The following MIER3 variants were observed in gnomAD, a reference collection of about 807,000 sequenced individuals.
MIER3 encodes the protein MIER family member 3, also known as mesoderm induction early response protein 3.
MIER3 carries 9 observed loss-of-function variants against 63.2 expected under a neutral mutation model. The observed-to-expected ratio is 0.14, with a 90% confidence interval of 0.09 to 0.25. The LOEUF is 0.25. Among genes scored for constraint, MIER3 ranks in the 10% least tolerant of loss-of-function variants. The probability of loss-of-function intolerance (pLI) is 1.00; values close to 1 mark genes in which losing one functional copy is unlikely to be tolerated. For missense variants in MIER3, 512 were observed against 666.2 expected, an observed-to-expected ratio of 0.77 and a Z score of 2.55; for synonymous variants, 205 against 224.9, an observed-to-expected ratio of 0.91 and a Z score of 0.79.
rs762522305 is a variant in MIER3, at chr5:56,923,362, T to C, written c.1419A>G (p.Glu473=). ...SELNPMNMCS[E]ESERPAKRLK... ...ATCTTTTTGCTGGTCTCTCTGACTC[T>C]TCACTGCACATGTTCATAGGGTTTA... is the stretch of plus-strand genomic sequence containing the variant. The change falls in exon 13 of 13, where the codon GAA becomes GAG. Residue 473 remains glutamate, a synonymous_variant. Coordinates refer to ENST00000381199, the MANE Select transcript of MIER3 (RefSeq NM_001297599.2). 7.4e-6 allele frequency: 12 copies of C among 1,614,076 alleles called. No individual in the cohort carries two copies. The highest frequency in any genetic ancestry group is 1.7e-5 in the Admixed American group (1 of 59,990).
Position 56,939,021 on chromosome 5 carries a change from T to C in MIER3, c.181-4A>G, listed in dbSNP as rs751161478. ...CTTCTAGAGGCATGGTTCCTTCCTG[T>C]TCAAGCCAGGGCATAAACACGGACT... On this transcript the variant is annotated splice_region_variant and splice_polypyrimidine_tract_variant and intron_variant, in intron 3 of 12. Transcript: ENST00000381199. 4 of 1,613,792 alleles carry C rather than the reference T, an allele frequency of 2.5e-6. No individual in the cohort carries two copies. Among genetic ancestry groups the C allele is most frequent in the Admixed American group, 1.7e-5 (1 of 59,982 alleles).
At chr5:56,950,483 C>A in intron 2 of MIER3, 145 bp downstream of exon 2, 1 of 843,168 alleles carries the variant, frequency 1.2e-6, no homozygotes, top group Non-Finnish European at 1.9e-6. Context: ...CTTCCCCAAA[C>A]TTTACTAAAT....
intron 10 of MIER3, among the ~76,000 whole-genome samples, chr5:56,925,937 C>T (rs1749953593): frequency 6.6e-6 from 1 of 152,010 alleles, no homozygotes; most frequent in Non-Finnish European, 1.5e-5. Context: ...CCCAGAAATA[C>T]ACCCCACGGG....
At chr5:56,930,636 C>T (rs2112099303) in intron 9 of MIER3, 28 bp downstream of exon 9, 2 of 1,585,866 alleles carry the variant, frequency 1.3e-6, no homozygotes, top group East Asian at 2.2e-5. Flanking sequence ...CCTGTCATGT[C>T]CCTCTCTTAA....
chr5:56,947,156 C>A, intron 2 of MIER3, 85 bp from the exon 3 acceptor site: 1 of 1,353,468 alleles, frequency 7.4e-7, no homozygotes, highest in Non-Finnish European at 1.0e-6. Flanking sequence ...TCTGCCAGTC[C>A]CTTTTCATGT....
At chr5:56,932,679 G>C (rs1016270685) in intron 8 of MIER3, among the ~76,000 whole-genome samples, 2 of 152,170 alleles carry the variant, frequency 1.3e-5, no homozygotes, top group African/African-American at 4.8e-5. Context: ...GATCAGGAGA[G>C]TATTCTGAAT....
At position 56,922,778 on chromosome 5, in the gene MIER3, T is replaced by TCGGTG; in HGVS notation, c.*349_*350insCACCG. The stretch of plus-strand genomic sequence containing the variant: ...GTGCTGGTTTTGAGCTGGTGGCCTC[T>TCGGTG]GTCTACAGGTTTTAAAATTGGGAGT... On this transcript the variant is annotated 3_prime_UTR_variant, in exon 13 of 13. Transcript: ENST00000381199. 5 of 238,298 alleles carry TCGGTG rather than the reference T, an allele frequency of 2.1e-5. No homozygotes were observed. The highest frequency in any genetic ancestry group is 7.7e-5 in the South Asian group (1 of 13,062). 14.8% of individuals were successfully genotyped at this position (238,298 alleles called of 1,614,324 possible).
intron 4 of MIER3, chr5:56,938,426 A>T (rs1407937689): frequency 1.3e-5 from 6 of 468,322 alleles, no homozygotes; most frequent in Non-Finnish European, 2.7e-5. Flanking sequence ...GCCTCCCCAC[A>T]ACCAGCCTAC....
At chr5:56,929,018 C>T in intron 9 of MIER3, 157 bp from the exon 10 acceptor site, 1 of 566,736 alleles carries the variant, frequency 1.8e-6, no homozygotes, top group Admixed American at 3.1e-5. Flanking sequence ...CTCTCTCTCT[C>T]TCTCTCTCTG....
chr5:56,947,215 T>A, intron 2 of MIER3, 144 bp from the exon 3 acceptor site: 1 of 782,882 alleles, frequency 1.3e-6, no homozygotes, highest in Non-Finnish European at 1.9e-6. Flanking sequence ...TTATAGGTTA[T>A]AAATTAAGAC....
At chr5:56,946,876 C>T in intron 3 of MIER3, 50 bp downstream of exon 3, 1 of 1,291,814 alleles carries the variant, frequency 7.7e-7, no homozygotes, top group South Asian at 1.8e-5. Context: ...AAAATTACAA[C>T]AGAATTTCAA....
Position 56,937,641 on chromosome 5 carries a change from C to G in MIER3, c.373G>C (p.Asp125His). ...GDDEETQSSADDLTPSVTSHE... is the reference protein window; with the variant it reads ...GDDEETQSSAHDLTPSVTSHE... Reference sequence around the variant, plus strand: ...GAAGTCACAGATGGCGTCAGATCATCCGCAGAAGACTGAGTTTCCTCGTCA... The same window carrying G: ...GAAGTCACAGATGGCGTCAGATCATGCGCAGAAGACTGAGTTTCCTCGTCA... Residue 125 changes from aspartate to histidine, a missense_variant, in exon 5 of 13, where the codon GAT becomes CAT. Around this residue, in one of 5 missense-constraint regions of MIER3, gnomAD observed 44 missense variants for 87.6 expected, o/e 0.50. Coordinates refer to ENST00000381199, the MANE Select transcript of MIER3 (RefSeq NM_001297599.2). The G allele has an allele frequency of 1.2e-6, 2 of 1,612,360 alleles. No homozygotes were observed. The highest frequency in any genetic ancestry group is 1.7e-6 in the Non-Finnish European group (2 of 1,179,110).
rs1032981454 is a variant in MIER3 at position 56,921,719 on chromosome 5, A to G, written c.*1409T>C. The G allele has an allele frequency of 2.8e-4, 43 of 152,672 alleles. No homozygotes were observed. Among genetic ancestry groups the G allele is most frequent in the Non-Finnish European group, 4.0e-4 (27 of 68,044 alleles). The allele number at this position is 152,672 out of a possible 1,614,324, so 9.5% of individuals were successfully genotyped here. On this transcript the variant is annotated 3_prime_UTR_variant, in exon 13 of 13. Coordinates refer to ENST00000381199, the MANE Select transcript of MIER3 (RefSeq NM_001297599.2). ...CTTACAAATATTAGCAATGCAGCCAAACATTTGTTTTTTGCAAAGCAACTA... is the reference window on the plus strand; with the variant it reads ...CTTACAAATATTAGCAATGCAGCCAGACATTTGTTTTTTGCAAAGCAACTA...
intron 8 of MIER3, among the ~76,000 whole-genome samples, chr5:56,931,695 G>A (rs1750273014): frequency 6.6e-6 from 1 of 151,986 alleles, no homozygotes; most frequent in Non-Finnish European, 1.5e-5. Context: ...TCCACCAAAA[G>A]CAGGCACCAA....
chr5:56,950,768 G>C (rs1392649020), intron 1 of MIER3, 116 bp from the exon 2 acceptor site: 4 of 1,154,282 alleles, frequency 3.5e-6, no homozygotes, highest in Non-Finnish European at 5.1e-6. Context: ...TGCCAAAAGT[G>C]CAAGACGTAG....
At chr5:56,929,005 A>ACACACACACTCTCT (rs777014337) in intron 9 of MIER3, 144 bp from the exon 10 acceptor site, 3 of 478,992 alleles carry the variant, frequency 6.3e-6, no homozygotes, top group African/African-American at 6.2e-5. Flanking sequence ...ACACACACAC[A>ACACACACACTCTCT]CTCTCTCTCT....
At chr5:56,931,839 T>C (rs953448008) in intron 8 of MIER3, among the ~76,000 whole-genome samples, 1 of 152,202 alleles carries the variant, frequency 6.6e-6, no homozygotes, top group African/African-American at 2.4e-5. Flanking sequence ...TCCATAAATG[T>C]ATGCAATTAT....
chr5:56,931,851 A>C (rs1227244908), intron 8 of MIER3, among the ~76,000 whole-genome samples: 1 of 152,236 alleles, frequency 6.6e-6, no homozygotes, highest in African/African-American at 2.4e-5. Flanking sequence ...TGCAATTATG[A>C]GGTGTCAAAA....
intron 1 of MIER3, among the ~76,000 whole-genome samples, chr5:56,951,691 G>C (rs963511245): frequency 2.6e-5 from 4 of 151,284 alleles, no homozygotes; most frequent in Non-Finnish European, 5.9e-5. Flanking sequence ...TTTGCGATCC[G>C]GCCGCGGAGG....
Sources: allele counts gnomAD v4.1 joint callset (sites outside exome capture counted in the v4.1 genomes callset), GRCh38; gene constraint gnomAD v4.1.1; regional missense constraint gnomAD v4.1.1; transcripts MANE v1.5; gene names NCBI Gene and HGNC (gene_info 2026-07-23, HGNC 2026-07-21).